PPEF2: variants seen among roughly 807,000 people sequenced by gnomAD.
PPEF2 encodes protein phosphatase with EF-hand domain 2, also known as serine/threonine-protein phosphatase with EF-hands 2.
Under a neutral mutation model 84.7 loss-of-function variants are expected in PPEF2, and 84 were observed. The observed-to-expected ratio is 0.99, with a 90% CI of 0.83 to 1.19. The LOEUF (loss-of-function observed/expected upper bound fraction) is 1.19. Among genes scored for constraint, PPEF2 ranks in the 50% most tolerant of loss-of-function variants. PPEF2 has a pLI of 0.00. For missense variants in PPEF2, 924 were observed against 937.5 expected, an observed-to-expected ratio of 0.99 and a Z score of 0.19; for synonymous variants, 346 against 345.2, an observed-to-expected ratio of 1.00 and a Z score of -0.03.
intron 16 of PPEF2, among the ~76,000 whole-genome samples, chr4:75,861,467 A>C (rs1358892408): frequency 6.6e-6 from 1 of 150,588 alleles, no homozygotes; most frequent in East Asian, 2.0e-4. Context: ...ATTCACATGC[A>C]AAAAGAGTAA....
chr4:75,877,042 A>C (rs201014835), intron 10 of PPEF2, among the ~76,000 whole-genome samples: 1 of 23,180 alleles, frequency 4.3e-5, no homozygotes, highest in Non-Finnish European at 3.2e-4. Flanking sequence ...AAGAAAGAAA[A>C]GAAACAGAGA....
At chr4:75,875,258 G>C (rs1233611645) in intron 11 of PPEF2, among the ~76,000 whole-genome samples, 2 of 152,074 alleles carry the variant, frequency 1.3e-5, no homozygotes, top group Non-Finnish European at 2.9e-5. Context: ...TAATGGGTCA[G>C]AAATGGTTGA....
At chr4:75,891,547 G>T (rs1366216155) in intron 4 of PPEF2, 101 bp downstream of exon 4, 12 of 1,335,696 alleles carry the variant, frequency 9.0e-6, no homozygotes, top group Non-Finnish European at 1.2e-5. Context: ...TTCCCTGGCT[G>T]TCACCAGATT....
intron 10 of PPEF2, among the ~76,000 whole-genome samples, chr4:75,877,477 C>T (rs1357898905): frequency 3.3e-5 from 5 of 151,996 alleles, no homozygotes; most frequent in Non-Finnish European, 7.4e-5. Flanking sequence ...TTGAGAGTAC[C>T]ACTTTGACAC....
Position 75,866,062 on chromosome 4 carries a change from T to C in PPEF2, c.1920+127A>G, listed in dbSNP as rs552155203. 33 of 1,086,668 alleles carry C rather than the reference T, an allele frequency of 3.0e-5. No individual in the cohort carries two copies. The African/African-American group carries it at 4.7e-4, about 16-fold the overall frequency. 67.3% of individuals were successfully genotyped at this position (1,086,668 alleles called of 1,614,324 possible). On this transcript the variant is annotated intron_variant, in intron 15 of 16. Coordinates refer to ENST00000286719, the MANE Select transcript of PPEF2 (RefSeq NM_006239.3). ...GCCTGACACATAGAAACTCAAGAAATAGTTATTCCCCTTTCTCACCCATCC... is the reference window on the plus strand; with the variant it reads ...GCCTGACACATAGAAACTCAAGAAACAGTTATTCCCCTTTCTCACCCATCC...
chr4:75,866,743 T>C (rs1219486217), intron 14 of PPEF2, among the ~76,000 whole-genome samples: 1 of 152,206 alleles, frequency 6.6e-6, no homozygotes, highest in African/African-American at 2.4e-5. Flanking sequence ...ATCTACAGCA[T>C]TGGTTATTTA....
rs371300992 is a variant in PPEF2, at chr4:75,860,938, A to G, written c.2009-18T>C. On this transcript the variant is annotated intron_variant, in intron 16 of 16. Coordinates refer to ENST00000286719, the MANE Select transcript of PPEF2 (RefSeq NM_006239.3). ...GATGAACCCTTATCAGAGGGAGGAAATCACTTCAGTGAGTTAGTCTAGTTT... is the reference window on the plus strand; with the variant it reads ...GATGAACCCTTATCAGAGGGAGGAAGTCACTTCAGTGAGTTAGTCTAGTTT... 1.2e-4 allele frequency: 199 copies of G among 1,609,182 alleles called. 3 individuals are homozygous for G. The South Asian group carries it at 1.8e-3, about 15-fold the overall frequency.
intron 4 of PPEF2, among the ~76,000 whole-genome samples, chr4:75,891,043 G>A (rs2047983): frequency 0.48 from 73,474 of 151,802 alleles, 20,350 homozygotes; most frequent in East Asian, 0.97. Context: ...AATCAGCCAG[G>A]TGTGTTGGTG....
At chr4:75,862,251 C>T (rs1724022403) in intron 16 of PPEF2, among the ~76,000 whole-genome samples, 1 of 145,396 alleles carries the variant, frequency 6.9e-6, no homozygotes, top group Non-Finnish European at 1.5e-5. Context: ...CAAGATCGTA[C>T]CACTGCACTC....
intron 1 of PPEF2, among the ~76,000 whole-genome samples, chr4:75,899,144 C>A (rs568916013): frequency 6.6e-6 from 1 of 152,254 alleles, no homozygotes; most frequent in South Asian, 2.1e-4. Flanking sequence ...TTTCACTTAA[C>A]ATAATGTCCT....
rs758863302 is a variant in PPEF2 at position 75,876,584 on chromosome 4, C to T, written c.1023G>A (p.Gln341=). 3.5e-5 allele frequency: 56 copies of T among 1,613,424 alleles called. No homozygotes were observed. The South Asian group carries it at 5.7e-4, about 16-fold the overall frequency. The change falls in exon 11 of 17, where the codon CAG becomes CAA. Residue 341 remains glutamine, a synonymous_variant. Coordinates refer to ENST00000286719, the MANE Select transcript of PPEF2 (RefSeq NM_006239.3). ...CGGGGAGAAACCATGGGATGGGTCCCTGTGCAGAGCTCTTCTGGTTGGCTC... is the reference window on the plus strand; with the variant it reads ...CGGGGAGAAACCATGGGATGGGTCCTTGTGCAGAGCTCTTCTGGTTGGCTC... ...KRRANQKSSA[Q]GPIPWFLPES...
At chr4:75,886,997 A>G in intron 6 of PPEF2, 99 bp from the exon 7 acceptor site, 2 of 606,740 alleles carry the variant, frequency 3.3e-6, no homozygotes, top group Non-Finnish European at 5.6e-6. Flanking sequence ...ATCTGACAGA[A>G]AAAACCCTAC....
rs1171053351 is a variant in PPEF2, at chr4:75,876,306, G to A, written c.1301C>T (p.Thr434Ile). 6.2e-7 allele frequency: 1 copy of A among 1,608,534 alleles called. No individual in the cohort carries two copies. ...DSEAGELRKP[T>I]QEEWRQVVDI... The stretch of plus-strand genomic sequence containing the variant: ...GCTCACCTGCCTCCACTCCTCCTGA[G>A]TGGGCTTCCGCAGCTCTCCGGCTTC... Residue 434 changes from threonine (T) to isoleucine (I), a missense_variant, in exon 11 of 17, where the codon ACT (threonine) becomes ATT (isoleucine). Transcript: ENST00000286719.
intron 10 of PPEF2, among the ~76,000 whole-genome samples, chr4:75,877,870 G>A (rs765586768): frequency 1.3e-5 from 2 of 152,070 alleles, no homozygotes; most frequent in African/African-American, 4.8e-5. Flanking sequence ...ATATAATTTC[G>A]AGAAACACTA....
At chr4:75,882,077 G>T (rs1724590336) in intron 10 of PPEF2, 2 of 152,138 alleles carry the variant, frequency 1.3e-5, no homozygotes, top group Non-Finnish European at 2.9e-5. Flanking sequence ...ATGGAAAATA[G>T]AAATCTATTG....
intron 10 of PPEF2, chr4:75,881,967 G>A (rs1417168378): frequency 6.6e-6 from 1 of 152,176 alleles, no homozygotes; most frequent in Non-Finnish European, 1.5e-5. Context: ...TGTTGTCATG[G>A]ATGTTGTAGC....
intron 13 of PPEF2, 100 bp from the exon 14 acceptor site, chr4:75,867,519 T>C (rs1375616835): frequency 1.6e-5 from 14 of 884,498 alleles, no homozygotes; most frequent in Non-Finnish European, 2.3e-5. Flanking sequence ...AACATATCAG[T>C]CTCCCAAGAG....
chr4:75,860,831 G>A lies in PPEF2; in HGVS notation c.2098C>T (p.Leu700Phe), dbSNP rs1358870068. ...TTGTTGAAATCAATGCTCCGAGCAAGGTCACAGATGCAGTCATCTGTAATG... is the reference window on the plus strand; with the variant it reads ...TTGTTGAAATCAATGCTCCGAGCAAAGTCACAGATGCAGTCATCTGTAATG... ...IDITDDCICD[L>F]ARSIDFNKDG... The change falls in exon 17 of 17, where the codon CTT becomes TTT. Residue 700 changes from leucine to phenylalanine, a missense_variant. Physicochemically the swap from Leu to Phe is conservative, Grantham distance 22 (BLOSUM62 0). Coordinates refer to ENST00000286719, the MANE Select transcript of PPEF2 (RefSeq NM_006239.3). The A allele has an allele frequency of 1.2e-6, 2 of 1,614,120 alleles. No individual in the cohort carries two copies. The highest frequency in any genetic ancestry group is 2.2e-5 in the East Asian group (1 of 44,902).
intron 6 of PPEF2, among the ~76,000 whole-genome samples, chr4:75,887,553 G>A (rs1427386203): frequency 4.0e-5 from 6 of 151,782 alleles, no homozygotes; most frequent in Non-Finnish European, 7.4e-5. Context: ...CCCGGGAGGC[G>A]GAGCTTGCAG....
Sources: gnomAD v4.1 joint callset for allele counts (sites outside exome capture counted in the v4.1 genomes callset) on GRCh38, gnomAD v4.1.1 for gene constraint, MANE v1.5 for transcripts, NCBI Gene and HGNC (gene_info 2026-07-23, HGNC 2026-07-21) for gene names.